The following ADAMTSL1 variants were observed in gnomAD, a reference collection of about 807,000 sequenced individuals.
ADAMTSL1 encodes ADAMTS-like protein 1.
Under a neutral mutation model 201.8 loss-of-function variants are expected in ADAMTSL1, and 126 were observed. The observed-to-expected ratio is 0.62, with a 90% confidence interval of 0.54 to 0.72. The LOEUF (loss-of-function observed/expected upper bound fraction) is 0.72, where lower values mean the gene tolerates loss of function less well. Ranked by LOEUF, ADAMTSL1 falls within the 30% of genes least tolerant of loss-of-function variation. ADAMTSL1 has a pLI of 0.00. For synonymous variants in ADAMTSL1, 1,121 were observed against 903.4 expected, an observed-to-expected ratio of 1.24 and a Z score of -4.32; for missense variants, 2,679 against 2,277.8, an observed-to-expected ratio of 1.18 and a Z score of -3.59.
At chr9:18,515,168 A>G (rs1254068123) in intron 2 of ADAMTSL1, among the ~76,000 whole-genome samples, 1 of 152,162 alleles carries the variant, frequency 6.6e-6, no homozygotes, top group Non-Finnish European at 1.5e-5. Context: ...CTCTTGGGGT[A>G]GATTCCTGAC....
chr9:18,454,408 C>T (rs931842304), intron 2 of ADAMTSL1, among the ~76,000 whole-genome samples: 3 of 152,156 alleles, frequency 2.0e-5, no homozygotes, highest in Non-Finnish European at 4.4e-5. Context: ...ACTCAGTCCA[C>T]AGACTCACAT....
chr9:18,286,238 A>C (rs909563502), intron 2 of ADAMTSL1, among the ~76,000 whole-genome samples: 2 of 152,362 alleles, frequency 1.3e-5, no homozygotes, highest in African/African-American at 4.8e-5. Flanking sequence ...ATCTAAAAAC[A>C]GAAACCTAGT....
intron 16 of ADAMTSL1, among the ~76,000 whole-genome samples, chr9:18,759,353 A>G (rs980087176): frequency 1.2e-4 from 18 of 152,366 alleles, no homozygotes; most frequent in African/African-American, 4.3e-4. Flanking sequence ...TGAGAATTAA[A>G]GTTTTCATTT....
At chr9:17,908,978 A>C (rs925653932) in intron 1 of ADAMTSL1, among the ~76,000 whole-genome samples, 1 of 150,530 alleles carries the variant, frequency 6.6e-6, no homozygotes, top group Non-Finnish European at 1.5e-5. Context: ...CCTCTCCAGC[A>C]CCTGTTGTTT....
At chr9:18,846,783 A>C (rs768357980) in intron 23 of ADAMTSL1, among the ~76,000 whole-genome samples, 2 of 152,200 alleles carry the variant, frequency 1.3e-5, no homozygotes, top group Non-Finnish European at 2.9e-5. Flanking sequence ...AGATGAATTC[A>C]GGGATCTGTA....
chr9:18,395,731 A>G (rs182096045), intron 2 of ADAMTSL1, among the ~76,000 whole-genome samples: 17 of 152,294 alleles, frequency 1.1e-4, no homozygotes, highest in East Asian at 9.7e-4. Flanking sequence ...CTGACTGGTG[A>G]TGAAAAGTGT....
At chr9:18,568,851 A>G (rs922397524) in intron 3 of ADAMTSL1, among the ~76,000 whole-genome samples, 4 of 152,066 alleles carry the variant, frequency 2.6e-5, no homozygotes, top group African/African-American at 7.2e-5. Context: ...TGGCACTCAT[A>G]TAATAGGTTA....
chr9:17,986,258 G>T (rs1419793083), intron 1 of ADAMTSL1, among the ~76,000 whole-genome samples: 1 of 151,974 alleles, frequency 6.6e-6, no homozygotes, highest in Non-Finnish European at 1.5e-5. Context: ...GAAAACCCAT[G>T]TTTCTTTAAC....
chr9:18,419,469 A>G (rs1336189144), intron 2 of ADAMTSL1, among the ~76,000 whole-genome samples: 1 of 151,812 alleles, frequency 6.6e-6, no homozygotes, highest in Non-Finnish European at 1.5e-5. Context: ...AGAGAAATAG[A>G]AAATTATGTT....
intron 1 of ADAMTSL1, among the ~76,000 whole-genome samples, chr9:18,121,823 T>C (rs1825509418): frequency 6.6e-6 from 1 of 152,178 alleles, no homozygotes; most frequent in Admixed American, 6.6e-5. Flanking sequence ...TTTCTGCTAC[T>C]TGTATACTAC....
At chr9:18,375,887 T>C (rs1026785270) in intron 2 of ADAMTSL1, among the ~76,000 whole-genome samples, 1 of 152,176 alleles carries the variant, frequency 6.6e-6, no homozygotes, top group Non-Finnish European at 1.5e-5. Context: ...TACAAACCTC[T>C]AGCTAGCCAC....
intron 1 of ADAMTSL1, among the ~76,000 whole-genome samples, chr9:18,475,027 T>A (rs909198886): frequency 1.3e-5 from 2 of 152,204 alleles, no homozygotes; most frequent in African/African-American, 4.8e-5. Context: ...TCATACTTGG[T>A]TTTATGGGCA....
intron 1 of ADAMTSL1, among the ~76,000 whole-genome samples, chr9:18,015,661 G>A (rs1820227653): frequency 6.6e-6 from 1 of 151,988 alleles, no homozygotes; most frequent in Admixed American, 6.6e-5. Flanking sequence ...GTAATGTCCT[G>A]CGCTTATTAA....
chr9:18,121,690 C>A (rs1014769421), intron 1 of ADAMTSL1, among the ~76,000 whole-genome samples: 1 of 152,084 alleles, frequency 6.6e-6, no homozygotes, highest in Admixed American at 6.6e-5. Context: ...AATATATAAA[C>A]ACATATCATA....
At chr9:18,500,121 G>T (rs1038690101) in intron 1 of ADAMTSL1, among the ~76,000 whole-genome samples, 1 of 152,214 alleles carries the variant, frequency 6.6e-6, no homozygotes, top group South Asian at 2.1e-4. Context: ...CTATTGGGCA[G>T]TGAGCTGCAG....
chr9:18,627,301 A>T lies in ADAMTSL1; in HGVS notation c.601+4932A>T, dbSNP rs114786848. The stretch of plus-strand genomic sequence containing the variant: ...CTGGCCACCATTTTAAATTTTAGCC[A>T]TTCTTATCAGTGAGTAGTGGTATTT... On this transcript the variant is annotated intron_variant, in intron 5 of 28. Transcript: ENST00000380548. Among the ~76,000 whole-genome samples, 975 of 152,248 alleles carry T rather than the reference A, an allele frequency of 6.4e-3. 18 individuals carry two copies. Among genetic ancestry groups the T allele is most frequent in the African/African-American group, 0.022 (916 of 41,560 alleles).
chr9:18,276,471 G>A (rs772226964), intron 2 of ADAMTSL1, among the ~76,000 whole-genome samples: 1 of 152,148 alleles, frequency 6.6e-6, no homozygotes, highest in Admixed American at 6.5e-5. Flanking sequence ...AGTTTCAGCT[G>A]TTAGGTTTGG....
At chr9:18,780,564 C>T (rs1821337085) in intron 19 of ADAMTSL1, among the ~76,000 whole-genome samples, 2 of 152,246 alleles carry the variant, frequency 1.3e-5, no homozygotes, top group South Asian at 4.2e-4. Flanking sequence ...TAAAACAATT[C>T]AAATATCTAA....
intron 2 of ADAMTSL1, among the ~76,000 whole-genome samples, chr9:18,368,956 C>T (rs1047440905): frequency 1.5e-4 from 23 of 152,122 alleles, no homozygotes; most frequent in African/African-American, 5.6e-4. Context: ...ACTTTGCCTC[C>T]TGATTAACTT....
Sources: gnomAD v4.1 joint callset for allele counts (sites outside exome capture counted in the v4.1 genomes callset) on GRCh38, gnomAD v4.1.1 for gene constraint, MANE v1.5 for transcripts, NCBI Gene and HGNC (gene_info 2026-07-23, HGNC 2026-07-21) for gene names.